TRHDE: variants seen among roughly 807,000 people sequenced by gnomAD.
TRHDE encodes thyrotropin-releasing hormone-degrading ectoenzyme.
In TRHDE, 72 loss-of-function variants were observed where a neutral mutation model predicts 125.7. The ratio of observed to expected loss-of-function variants is 0.57; its 90% CI spans 0.47 to 0.70. The LOEUF is 0.70. Among genes scored for constraint, TRHDE ranks in the 30% least tolerant of loss-of-function variants. The pLI, the probability that TRHDE is intolerant of heterozygous loss-of-function variation, is 0.00. For missense variants in TRHDE, 1,110 were observed against 1,327.1 expected (o/e 0.84, Z 2.54); for synonymous variants, 509 against 509.1 (o/e 1.00, Z 0.00).
At chr12:72,516,679 A>C (rs552250673) in intron 6 of TRHDE, among the ~76,000 whole-genome samples, 1 of 150,956 alleles carries the variant, frequency 6.6e-6, no homozygotes, top group African/African-American at 2.4e-5. Flanking sequence ...TTCCAACACT[A>C]TGTTGAATAG....
At chr12:72,384,326 A>G (rs1038247586) in intron 3 of TRHDE, among the ~76,000 whole-genome samples, 12 of 152,172 alleles carry the variant, frequency 7.9e-5, no homozygotes, top group Non-Finnish European at 1.8e-4. Flanking sequence ...GAGGGAGCCC[A>G]GGTGTTTTGT....
chr12:72,655,009 G>C (rs984565117), intron 17 of TRHDE, among the ~76,000 whole-genome samples: 12 of 152,124 alleles, frequency 7.9e-5, no homozygotes, highest in African/African-American at 2.9e-4. Flanking sequence ...TATTTTGTCA[G>C]CGTCTTGTTC....
intron 1 of TRHDE, among the ~76,000 whole-genome samples, chr12:72,100,014 A>G (rs1214811687): frequency 2.0e-5 from 3 of 152,156 alleles, no homozygotes. Flanking sequence ...GACCCTTTAC[A>G]ATGTTTTTTT....
chr12:72,554,482 C>A (rs984340090), intron 7 of TRHDE, among the ~76,000 whole-genome samples: 2 of 152,170 alleles, frequency 1.3e-5, no homozygotes, highest in South Asian at 4.1e-4. Context: ...TTATATATAT[C>A]TTCTTTCTCA....
chr12:72,577,504 T>C (rs1444194757), intron 12 of TRHDE, among the ~76,000 whole-genome samples: 1 of 152,012 alleles, frequency 6.6e-6, no homozygotes, highest in Non-Finnish European at 1.5e-5. Context: ...GTATTTATTG[T>C]AATAAAAGAG....
At chr12:72,307,364 T>C (rs573151719) in intron 2 of TRHDE, among the ~76,000 whole-genome samples, 2 of 147,684 alleles carry the variant, frequency 1.4e-5, no homozygotes, top group South Asian at 4.3e-4. Flanking sequence ...TTAGTAGAGA[T>C]GGGGTTTTTC....
At chr12:72,427,008 C>A (rs1874218054) in intron 3 of TRHDE, among the ~76,000 whole-genome samples, 1 of 152,068 alleles carries the variant, frequency 6.6e-6, no homozygotes, top group Admixed American at 6.6e-5. Context: ...AAAAGTTGAT[C>A]TTCAGTTATC....
In TRHDE at chr12:72,467,996, C is replaced by T. The variant is rs530587917; in HGVS notation, c.1316-1762C>T. On this transcript the variant is annotated intron_variant, in intron 3 of 18. Transcript: ENST00000261180. ...AATATTATAATCAGTACCCATACCA[C>T]TAACAGTGAAATATTATTATTAAAA... 2.6e-5 allele frequency among the ~76,000 whole-genome samples: 4 copies of T among 152,316 alleles called. No homozygotes were observed. The South Asian group carries it at 8.3e-4, about 32-fold the overall frequency.
At chr12:72,652,262 T>G in intron 15 of TRHDE, 60 bp from the exon 16 acceptor site, 2 of 1,265,938 alleles carry the variant, frequency 1.6e-6, no homozygotes, top group Non-Finnish European at 2.1e-6. Context: ...AAACCTGTCT[T>G]TATTTTCAAT....
intron 2 of TRHDE, among the ~76,000 whole-genome samples, chr12:72,191,984 G>A (rs1027691671): frequency 2.6e-5 from 4 of 152,148 alleles, no homozygotes; most frequent in Non-Finnish European, 4.4e-5. Context: ...TAGCTTTGTA[G>A]ATTGGAAATT....
intron 2 of TRHDE, among the ~76,000 whole-genome samples, chr12:72,158,669 TGTTTATGTAAC>T (rs1406313274): frequency 2.0e-5 from 3 of 152,334 alleles, no homozygotes; most frequent in Non-Finnish European, 4.4e-5. Flanking sequence ...CTTGCTTTGG[TGTTTATGTAAC>T]CCAGATGTCA....
chr12:72,514,632 T>C (rs1878751605), intron 6 of TRHDE, among the ~76,000 whole-genome samples: 1 of 151,992 alleles, frequency 6.6e-6, no homozygotes, highest in South Asian at 2.1e-4. Context: ...TTTTTCTTTT[T>C]TTTTTTAATT....
At chr12:72,608,485 G>C (rs1474954302) in intron 12 of TRHDE, among the ~76,000 whole-genome samples, 1 of 152,166 alleles carries the variant, frequency 6.6e-6, no homozygotes, top group Non-Finnish European at 1.5e-5. Flanking sequence ...ACTGCTAACT[G>C]AAACAGCCTC....
intron 5 of TRHDE, among the ~76,000 whole-genome samples, chr12:72,478,239 G>T (rs1418016400): frequency 2.0e-5 from 3 of 152,158 alleles, no homozygotes; most frequent in African/African-American, 7.2e-5. Context: ...GGACCCAAGG[G>T]CTTTTGGTCT....
intron 2 of TRHDE, among the ~76,000 whole-genome samples, chr12:72,192,897 C>G (rs1390576755): frequency 1.3e-5 from 2 of 152,032 alleles, no homozygotes; most frequent in African/African-American, 4.8e-5. Context: ...AATCTATTAG[C>G]TGTAGCCAGT....
At chr12:72,582,585 C>G in intron 12 of TRHDE, 2 of 985,402 alleles carry the variant, frequency 2.0e-6, no homozygotes, top group Non-Finnish European at 1.2e-6. Context: ...GCCTGAAAAG[C>G]AAGTGCACCC....
intron 4 of TRHDE, among the ~76,000 whole-genome samples, chr12:72,470,994 A>G (rs917326058): frequency 6.9e-6 from 1 of 143,992 alleles, no homozygotes; most frequent in Non-Finnish European, 1.5e-5. Flanking sequence ...CTCCTGCCTC[A>G]GCTTCCCAAG....
intron 12 of TRHDE, among the ~76,000 whole-genome samples, chr12:72,614,770 T>C (rs760276984): frequency 6.6e-6 from 1 of 152,114 alleles, no homozygotes; most frequent in Non-Finnish European, 1.5e-5. Flanking sequence ...TAGGTTATTT[T>C]TCTATACACG....
intron 2 of TRHDE, among the ~76,000 whole-genome samples, chr12:72,330,464 G>T (rs528628170): frequency 6.6e-6 from 1 of 152,190 alleles, no homozygotes; most frequent in Non-Finnish European, 1.5e-5. Flanking sequence ...AGCGAGCAGC[G>T]CTCTGCCTGG....
Sources: allele counts gnomAD v4.1 joint callset (sites outside exome capture counted in the v4.1 genomes callset), GRCh38; gene constraint gnomAD v4.1.1; transcripts MANE v1.5; gene names NCBI Gene and HGNC (gene_info 2026-07-23, HGNC 2026-07-21).